Variants in RABGAP1L observed in about 807,000 individuals in gnomAD.
The protein encoded by RABGAP1L is RAB GTPase activating protein 1 like.
RABGAP1L carries 63 observed loss-of-function variants against 137.7 expected under a neutral mutation model. That is an observed-to-expected ratio of 0.46 (90% CI 0.37 to 0.56). RABGAP1L has a LOEUF of 0.56. RABGAP1L is among the 20% of genes least tolerant of loss of function. The pLI is 0.00. For synonymous variants in RABGAP1L, 431 were observed against 433.7 expected, an observed-to-expected ratio of 0.99 and a Z score of 0.08; for missense variants, 1,095 against 1,244.0, an observed-to-expected ratio of 0.88 and a Z score of 1.80.
Position 174,982,862 on chromosome 1 carries a change from A to G in RABGAP1L, c.2762A>G (p.Glu921Gly). The change falls in exon 24 of 26, where the codon GAG becomes GGG. Residue 921 changes from glutamate (E) to glycine (G), a missense_variant. By Grantham distance (98) the Glu-to-Gly change is moderately conservative. This residue lies in a region of RABGAP1L where 312 missense variants were observed against 435.6 expected (regional missense o/e 0.72). Transcript: ENST00000681986. ...QICSQLSTRL[E>G]KQQAASKEEL... ...TGTTCGCAGTTGAGTACCAGGCTGG[A>G]GAAACAGCAAGCAGCCAGCAAGGAG... 6.4e-7 allele frequency: 1 copy of G among 1,550,506 alleles called. No homozygotes were observed. Among genetic ancestry groups the G allele is most frequent in the African/African-American group, 1.4e-5 (1 of 73,164 alleles).
At chr1:174,183,274 C>G (rs1666525508) in intron 1 of RABGAP1L, among the ~76,000 whole-genome samples, 1 of 152,214 alleles carries the variant, frequency 6.6e-6, no homozygotes, top group African/African-American at 2.4e-5. Flanking sequence ...TCAACTCACT[C>G]TTTTGCCCAG....
intron 13 of RABGAP1L, among the ~76,000 whole-genome samples, chr1:174,519,880 C>T (rs1663215828): frequency 6.6e-6 from 1 of 152,206 alleles, no homozygotes; most frequent in Non-Finnish European, 1.5e-5. Flanking sequence ...GCTTTAGTCT[C>T]TCAGCCCCAT....
chr1:174,622,474 A>G (rs1672591383), intron 13 of RABGAP1L, among the ~76,000 whole-genome samples: 1 of 152,202 alleles, frequency 6.6e-6, no homozygotes, highest in South Asian at 2.1e-4. Context: ...ACAATGATAG[A>G]CTGGATTAAG....
At position 174,216,059 on chromosome 1, in the gene RABGAP1L, T is replaced by C. The variant is rs542805054; in HGVS notation, c.-33-3066T>C. ...GGCACAGAAAGACAAAGTTCACACA[T>C]TCTCACTTATTTCTGATTGCTAAAA... On this transcript the variant is annotated intron_variant, in intron 1 of 25. Coordinates refer to ENST00000681986, the MANE Select transcript of RABGAP1L (RefSeq NM_001366446.1). 1.1e-4 allele frequency among the ~76,000 whole-genome samples: 17 copies of C among 152,312 alleles called. 1 individual carries two copies. The highest frequency in any genetic ancestry group is 1.0e-3 in the South Asian group (5 of 4,826).
intron 11 of RABGAP1L, among the ~76,000 whole-genome samples, chr1:174,370,713 A>G (rs1286349137): frequency 1.4e-5 from 2 of 140,196 alleles, no homozygotes; most frequent in African/African-American, 6.0e-5. Context: ...TTTAAACATT[A>G]GTCTTTGGAT....
At chr1:174,284,254 C>T (rs1259636776) in intron 10 of RABGAP1L, among the ~76,000 whole-genome samples, 1 of 152,114 alleles carries the variant, frequency 6.6e-6, no homozygotes, top group East Asian at 1.9e-4. Flanking sequence ...CACTTTTTCC[C>T]CCAAACCCCA....
chr1:174,403,469 A>G (rs1648889634), intron 13 of RABGAP1L, among the ~76,000 whole-genome samples: 1 of 152,028 alleles, frequency 6.6e-6, no homozygotes, highest in Non-Finnish European at 1.5e-5. Context: ...CATTGTCCCA[A>G]CATTCTAAGC....
chr1:174,543,869 A>T (rs1039071702), intron 13 of RABGAP1L, among the ~76,000 whole-genome samples: 1 of 152,160 alleles, frequency 6.6e-6, no homozygotes, highest in African/African-American at 2.4e-5. Flanking sequence ...AGTTTGGCTG[A>T]ATATGAAATT....
At chr1:174,723,240 C>T (rs1374994096) in intron 17 of RABGAP1L, among the ~76,000 whole-genome samples, 1 of 151,934 alleles carries the variant, frequency 6.6e-6, no homozygotes, top group Non-Finnish European at 1.5e-5. Context: ...ACGCCTGGCT[C>T]ATTTTTGTAT....
At chr1:174,274,762 A>G (rs1674838473) in intron 8 of RABGAP1L, among the ~76,000 whole-genome samples, 1 of 152,068 alleles carries the variant, frequency 6.6e-6, no homozygotes, top group South Asian at 2.1e-4. Flanking sequence ...AAGCTACACA[A>G]TCTGATTAGT....
chr1:174,866,116 A>T (rs1443337493), intron 19 of RABGAP1L, among the ~76,000 whole-genome samples: 1 of 27,054 alleles, frequency 3.7e-5, no homozygotes, highest in African/African-American at 2.1e-4. Context: ...AGGGGGAGAG[A>T]GAGAGAGAGA....
At chr1:174,845,786 GT>G (rs1439164272) in intron 19 of RABGAP1L, among the ~76,000 whole-genome samples, 11 of 90,534 alleles carry the variant, frequency 1.2e-4, no homozygotes, top group Non-Finnish European at 1.9e-4. Context: ...GATTGGAATA[GT>G]TTCAGAAGGA....
At chr1:174,673,359 A>G (rs1677329700) in intron 14 of RABGAP1L, among the ~76,000 whole-genome samples, 1 of 152,110 alleles carries the variant, frequency 6.6e-6, no homozygotes, top group South Asian at 2.1e-4. Flanking sequence ...GTTAAAGGAG[A>G]ACAATGGACC....
chr1:174,791,451 G>A (rs74649124), intron 18 of RABGAP1L, among the ~76,000 whole-genome samples: 11,606 of 152,126 alleles, frequency 0.076, 628 homozygotes, highest in East Asian at 0.31. Flanking sequence ...ACTAGGATGA[G>A]TACAACACCT....
chr1:174,657,847 T>C (rs751997864), intron 14 of RABGAP1L, among the ~76,000 whole-genome samples: 1 of 152,174 alleles, frequency 6.6e-6, no homozygotes, highest in Non-Finnish European at 1.5e-5. Context: ...CCAATTTGTA[T>C]CTACCTTCTC....
chr1:174,763,855 A>G (rs1485562723), intron 18 of RABGAP1L, among the ~76,000 whole-genome samples: 1 of 150,456 alleles, frequency 6.6e-6, no homozygotes, highest in Non-Finnish European at 1.5e-5. Flanking sequence ...AAAAAAAAAA[A>G]AAAAAGTACA....
At chr1:174,361,017 C>T (rs1453160666) in intron 11 of RABGAP1L, among the ~76,000 whole-genome samples, 1 of 151,990 alleles carries the variant, frequency 6.6e-6, no homozygotes. Context: ...ATTAGCTGGG[C>T]ATGGTGGTGA....
intron 7 of RABGAP1L, among the ~76,000 whole-genome samples, chr1:174,270,949 TA>T (rs1558087416): frequency 6.6e-6 from 1 of 152,150 alleles, no homozygotes; most frequent in Non-Finnish European, 1.5e-5. Context: ...AAAAAAGAAT[TA>T]AATCTTTTAT....
At chr1:174,904,488 G>A (rs1658699914) in intron 19 of RABGAP1L, among the ~76,000 whole-genome samples, 1 of 152,122 alleles carries the variant, frequency 6.6e-6, no homozygotes, top group Admixed American at 6.6e-5. Flanking sequence ...CTAAAGGGAG[G>A]AATATTCCCC....
Sources: allele counts gnomAD v4.1 joint callset (sites outside exome capture counted in the v4.1 genomes callset), GRCh38; gene constraint gnomAD v4.1.1; regional missense constraint gnomAD v4.1.1; transcripts MANE v1.5; gene names NCBI Gene and HGNC (gene_info 2026-07-23, HGNC 2026-07-21).